LRRTM4: variants seen among roughly 807,000 people sequenced by gnomAD.
LRRTM4 encodes the protein leucine rich repeat transmembrane neuronal 4.
In LRRTM4, 25 loss-of-function variants were observed where a neutral mutation model predicts 47.6. The ratio of observed to expected loss-of-function variants is 0.53; its 90% CI spans 0.38 to 0.73. LRRTM4 has a LOEUF of 0.73. Ranked by LOEUF, LRRTM4 falls within the 30% of genes least tolerant of loss-of-function variation. The pLI is 0.00. For missense variants in LRRTM4, 638 were observed against 713.4 expected, an observed-to-expected ratio of 0.89 and a Z score of 1.20; for synonymous variants, 311 against 269.5, an observed-to-expected ratio of 1.15 and a Z score of -1.51.
chr2:77,353,778 A>G (rs1334051641), intron 3 of LRRTM4, among the ~76,000 whole-genome samples: 2 of 152,142 alleles, frequency 1.3e-5, no homozygotes, highest in Non-Finnish European at 2.9e-5. Flanking sequence ...TGAATAATGT[A>G]CCCCCAACTG....
chr2:77,437,160 A>C (rs1675633249), intron 3 of LRRTM4, among the ~76,000 whole-genome samples: 1 of 151,976 alleles, frequency 6.6e-6, no homozygotes, highest in Admixed American at 6.6e-5. Context: ...TAGTTAGCTA[A>C]ATTTGACGAT....
chr2:77,191,142 A>C (rs1296858374), intron 3 of LRRTM4, among the ~76,000 whole-genome samples: 1 of 152,168 alleles, frequency 6.6e-6, no homozygotes, highest in African/African-American at 2.4e-5. Flanking sequence ...GCAAAGTCTC[A>C]GTAAACTTTC....
intron 3 of LRRTM4, among the ~76,000 whole-genome samples, chr2:76,912,046 G>A (rs934050626): frequency 6.7e-6 from 1 of 150,040 alleles, no homozygotes; most frequent in Non-Finnish European, 1.5e-5. Context: ...CTCCTGCCCC[G>A]AGTAGCTGCA....
At chr2:76,875,654 C>T (rs61279588) in intron 3 of LRRTM4, among the ~76,000 whole-genome samples, 35,315 of 151,964 alleles carry the variant, frequency 0.23, 5,119 homozygotes, top group East Asian at 0.48. Flanking sequence ...CTGGCCTTTG[C>T]CTGTTTCTAT....
intron 3 of LRRTM4, among the ~76,000 whole-genome samples, chr2:77,000,760 A>G (rs1352926831): frequency 6.6e-6 from 1 of 152,108 alleles, no homozygotes; most frequent in East Asian, 1.9e-4. Flanking sequence ...GTTTTTCTTC[A>G]TAACTATTAT....
intron 3 of LRRTM4, among the ~76,000 whole-genome samples, chr2:77,069,428 TG>T (rs1680075292): frequency 6.6e-6 from 1 of 151,630 alleles, no homozygotes; most frequent in African/African-American, 2.4e-5. Context: ...TGTGTGTGTG[TG>T]TGTGTGTGTT....
At chr2:77,111,335 G>A (rs1468226766) in intron 3 of LRRTM4, among the ~76,000 whole-genome samples, 1 of 141,420 alleles carries the variant, frequency 7.1e-6, no homozygotes, top group Non-Finnish European at 1.5e-5. Flanking sequence ...TCAATTGTTG[G>A]CCAGGATGGT....
chr2:76,921,076 T>G (rs1410592428), intron 3 of LRRTM4, among the ~76,000 whole-genome samples: 1 of 152,074 alleles, frequency 6.6e-6, no homozygotes, highest in African/African-American at 2.4e-5. Flanking sequence ...TTTATTCATT[T>G]CACTAGTTTT....
intron 3 of LRRTM4, among the ~76,000 whole-genome samples, chr2:76,752,685 G>A (rs1452154300): frequency 6.6e-6 from 1 of 152,162 alleles, no homozygotes; most frequent in African/African-American, 2.4e-5. Context: ...GGTTTCTGAG[G>A]AGCTCAGAGG....
intron 3 of LRRTM4, among the ~76,000 whole-genome samples, chr2:77,195,852 A>G (rs974576798): frequency 6.6e-6 from 1 of 152,134 alleles, no homozygotes; most frequent in South Asian, 2.1e-4. Flanking sequence ...ATGAGTCCCA[A>G]GGTTCAAACA....
intron 3 of LRRTM4, among the ~76,000 whole-genome samples, chr2:76,842,475 G>A (rs910321130): frequency 4.6e-5 from 7 of 152,076 alleles, no homozygotes; most frequent in East Asian, 1.9e-4. Flanking sequence ...ACCATAAGTC[G>A]AAAATGCATT....
chr2:77,039,175 A>G (rs1050569204), intron 3 of LRRTM4, among the ~76,000 whole-genome samples: 1 of 151,402 alleles, frequency 6.6e-6, no homozygotes, highest in Non-Finnish European at 1.5e-5. Context: ...CAGATCTGTC[A>G]TCTTATAAAA....
intron 3 of LRRTM4, among the ~76,000 whole-genome samples, chr2:76,960,937 A>T (rs751232493): frequency 6.6e-6 from 1 of 151,514 alleles, no homozygotes. Context: ...CTGTGCTACC[A>T]ATGTGTGGAT....
intron 3 of LRRTM4, among the ~76,000 whole-genome samples, chr2:77,087,044 T>C (rs997920975): frequency 9.6e-5 from 14 of 146,348 alleles, no homozygotes; most frequent in African/African-American, 3.6e-4. Context: ...CAAAAGAAGA[T>C]AGAATTGAAA....
chr2:77,464,774 A>G (rs1477410368), intron 3 of LRRTM4, among the ~76,000 whole-genome samples: 1 of 152,158 alleles, frequency 6.6e-6, no homozygotes, highest in Non-Finnish European at 1.5e-5. Flanking sequence ...CTGCATCAGA[A>G]TCATATGAGA....
chr2:77,248,348 T>C (rs1398436034), intron 3 of LRRTM4, among the ~76,000 whole-genome samples: 1 of 152,000 alleles, frequency 6.6e-6, no homozygotes, highest in Non-Finnish European at 1.5e-5. Context: ...TAACAAAGCA[T>C]GTACAAGATG....
intron 3 of LRRTM4, among the ~76,000 whole-genome samples, chr2:76,880,008 G>A (rs1672883764): frequency 1.3e-5 from 2 of 152,230 alleles, no homozygotes; most frequent in Non-Finnish European, 2.9e-5. Context: ...AGTGAATGAG[G>A]AGATGCTCCT....
intron 3 of LRRTM4, among the ~76,000 whole-genome samples, chr2:77,430,508 C>T (rs1027009449): frequency 1.3e-5 from 2 of 151,896 alleles, no homozygotes; most frequent in African/African-American, 4.8e-5. Context: ...GATCACCTGA[C>T]ATCGGGAGTT....
intron 3 of LRRTM4, among the ~76,000 whole-genome samples, chr2:76,947,790 T>C (rs889235922): frequency 1.3e-5 from 2 of 151,862 alleles, no homozygotes; most frequent in Non-Finnish European, 2.9e-5. Context: ...AAATCATTTA[T>C]ACTTGACATT....
Sources: allele counts gnomAD v4.1 joint callset (sites outside exome capture counted in the v4.1 genomes callset), GRCh38; gene constraint gnomAD v4.1.1; transcripts MANE v1.5; gene names NCBI Gene and HGNC (gene_info 2026-07-23, HGNC 2026-07-21).